NFU1: variants seen among roughly 807,000 people sequenced by gnomAD.
The protein encoded by NFU1 is NFU1 iron-sulfur cluster scaffold homolog, mitochondrial.
A neutral mutation model predicts 32.2 loss-of-function variants in NFU1; 30 were observed. The observed-to-expected ratio is 0.93, with a 90% CI of 0.70 to 1.26. The LOEUF (loss-of-function observed/expected upper bound fraction) is 1.26, where lower values mean the gene tolerates loss of function less well. Among genes scored for constraint, NFU1 ranks in the 50% most tolerant of loss-of-function variants. The pLI, the probability that NFU1 is intolerant of heterozygous loss-of-function variation, is 0.00. For missense variants in NFU1, 306 were observed against 306.6 expected, an observed-to-expected ratio of 1.00 and a Z score of 0.02; for synonymous variants, 112 against 104.6, an observed-to-expected ratio of 1.07 and a Z score of -0.43.
At chr2:69,424,198 A>AATATATATATATATATAT (rs1177261342) in intron 2 of NFU1, among the ~76,000 whole-genome samples, 24 of 74,522 alleles carry the variant, frequency 3.2e-4, no homozygotes, top group Admixed American at 8.6e-4. Context: ...AAAAAAAAAA[A>AATATATATATATATATAT]ATATATATAT....
chr2:69,399,056 CAA>C (rs947868323), intron 7 of NFU1, among the ~76,000 whole-genome samples: 1 of 151,400 alleles, frequency 6.6e-6, no homozygotes, highest in African/African-American at 2.4e-5. Context: ...TACTAAAATA[CAA>C]AATACAAAAA....
rs538552015 is a variant in NFU1 at position 69,436,024 on chromosome 2, G to A, written c.62+1337C>T. ...CTCTCAAAGTGCTGGGATTACAGGCGTGAGCCACCACGCCCGGCACACCAC... is the reference window on the plus strand; with the variant it reads ...CTCTCAAAGTGCTGGGATTACAGGCATGAGCCACCACGCCCGGCACACCAC... On this transcript the variant is annotated intron_variant, in intron 1 of 7. Transcript: ENST00000410022. 2.6e-3 allele frequency among the ~76,000 whole-genome samples: 395 copies of A among 151,520 alleles called. 3 individuals carry two copies. The highest frequency in any genetic ancestry group is 9.0e-3 in the African/African-American group (373 of 41,222).
intron 1 of NFU1, among the ~76,000 whole-genome samples, chr2:69,433,051 G>A (rs1465948269): frequency 2.1e-5 from 3 of 140,304 alleles, no homozygotes; most frequent in African/African-American, 5.5e-5. Flanking sequence ...TCGGGAGGCT[G>A]AGGCAGAGGA....
At chr2:69,428,836 T>C (rs935967535) in intron 2 of NFU1, among the ~76,000 whole-genome samples, 1 of 152,224 alleles carries the variant, frequency 6.6e-6, no homozygotes, top group Non-Finnish European at 1.5e-5. Flanking sequence ...GGTACAAAAA[T>C]GCTTTTCTTA....
intron 5 of NFU1, among the ~76,000 whole-genome samples, chr2:69,413,721 T>C (rs535384072): frequency 2.0e-5 from 3 of 152,244 alleles, no homozygotes; most frequent in Non-Finnish European, 2.9e-5. Context: ...ATCATGCCAC[T>C]GCACTCCAGC....
chr2:69,400,957 A>T (rs12464941), intron 6 of NFU1, among the ~76,000 whole-genome samples: 19,771 of 151,910 alleles, frequency 0.13, 1,427 homozygotes, highest in Non-Finnish European at 0.16. Context: ...CTCTAAAGAA[A>T]TTTTTTTTAA....
At chr2:69,401,866 C>A (rs1050353789) in intron 6 of NFU1, among the ~76,000 whole-genome samples, 8 of 150,360 alleles carry the variant, frequency 5.3e-5, no homozygotes, top group Non-Finnish European at 1.2e-4. Flanking sequence ...AGCATTTTTT[C>A]ATGTTTAGTG....
intron 6 of NFU1, 74 bp from the exon 7 acceptor site, chr2:69,400,612 A>G: frequency 2.3e-6 from 3 of 1,309,988 alleles, no homozygotes; most frequent in Non-Finnish European, 3.3e-6. Flanking sequence ...AATACAGCTC[A>G]GAGCTTAAAT....
At chr2:69,437,224 T>G in intron 1 of NFU1, 137 bp downstream of exon 1, 1 of 1,471,756 alleles carries the variant, frequency 6.8e-7, no homozygotes, top group Non-Finnish European at 9.0e-7. Context: ...CACCCCCAAC[T>G]ACGGCGACAG....
intron 4 of NFU1, among the ~76,000 whole-genome samples, chr2:69,415,955 C>T (rs966610407): frequency 4.6e-5 from 7 of 150,576 alleles, no homozygotes; most frequent in East Asian, 3.9e-4. Context: ...AGCGAGACTT[C>T]GTCTCTTTTT....
upstream of NFU1, among the ~76,000 whole-genome samples, chr2:69,439,410 G>C (rs952787286): frequency 2.6e-5 from 4 of 152,192 alleles, no homozygotes; most frequent in Non-Finnish European, 4.4e-5. Flanking sequence ...TGGGTTCGTG[G>C]TCTCACTGAC....
In NFU1 at chr2:69,437,375, G is replaced by C. The variant is rs370197557; in HGVS notation, c.48C>G (p.Ala16=). Residue 16 remains alanine (A), a synonymous_variant, in exon 1 of 8, where the codon GCC becomes GCG. Coordinates refer to ENST00000410022, the MANE Select transcript of NFU1 (RefSeq NM_001002755.4). ...TCGTCACCTACCGCCTGCGCAGCCC[G>C]GCGGCAACAGCCGCAGCTCCCCAGC... is the stretch of plus-strand genomic sequence containing the variant. ...RRGWGAAAVA[A]GLRRRFCHML... is the part of the protein sequence containing the mutation. 4.4e-6 allele frequency: 7 copies of C among 1,608,348 alleles called. No individual in the cohort carries two copies. In the South Asian group the frequency reaches 4.4e-5, roughly 10 times the overall value.
In NFU1 at chr2:69,423,584, A is replaced by G. The variant is rs201828730; in HGVS notation, c.300T>C (p.Ala100=). The change falls in exon 3 of 8, where the codon GCT becomes GCC. Residue 100 remains alanine (A), a splice_region_variant and synonymous_variant. Coordinates refer to ENST00000410022, the MANE Select transcript of NFU1 (RefSeq NM_001002755.4). The part of the protein sequence containing the change: ...TPAAAFRSPL[A]RQLFRIEGVK... ...AGCAAATGAAAACAGTAATATACCTAGCCAGAGGGGAGCGAAATGCTGCAG... is the reference window on the plus strand; with the variant it reads ...AGCAAATGAAAACAGTAATATACCTGGCCAGAGGGGAGCGAAATGCTGCAG... The G allele has an allele frequency of 1.1e-5, 18 of 1,613,488 alleles. No individual in the cohort carries two copies. The East Asian group carries it at 3.6e-4, about 32-fold the overall frequency.
intron 3 of NFU1, among the ~76,000 whole-genome samples, chr2:69,423,245 T>TGTGTGTGTGA (rs1266227739): frequency 1.1e-4 from 1 of 9,182 alleles, no homozygotes; most frequent in Non-Finnish European, 1.8e-4. Context: ...TCTGTGTGAG[T>TGTGTGTGTGA]GTGTGTGTGT....
chr2:69,396,388 A>C (rs1274565443), intron 7 of NFU1, 98 bp from the exon 8 acceptor site: 1 of 796,038 alleles, frequency 1.3e-6, no homozygotes, highest in Admixed American at 2.2e-5. Context: ...GATACACTCT[A>C]TAATGAGGCA....
At chr2:69,406,488 T>C (rs1193883557) in intron 5 of NFU1, among the ~76,000 whole-genome samples, 1 of 152,164 alleles carries the variant, frequency 6.6e-6, no homozygotes, top group Non-Finnish European at 1.5e-5. Context: ...TTAAGTTACA[T>C]CTTCAGTTTC....
chr2:69,433,208 A>G (rs982792294), intron 1 of NFU1, among the ~76,000 whole-genome samples: 1 of 149,450 alleles, frequency 6.7e-6, no homozygotes, highest in Non-Finnish European at 1.5e-5. Context: ...ATGGAGTCTC[A>G]CTGTTGTTGG....
chr2:69,398,774 T>C (rs1672418708), intron 7 of NFU1, among the ~76,000 whole-genome samples: 1 of 152,220 alleles, frequency 6.6e-6, no homozygotes. Context: ...TCTGACCAAC[T>C]GGATTTGCCA....
rs72833911 is a variant in NFU1 at position 69,412,351 on chromosome 2, T to C, written c.484+2834A>G. ...GGTGTGAGCCACTGTGCCAGGCCTC[T>C]ACAAAAAAATTTTATTTATTTATTT... On this transcript the variant is annotated intron_variant, in intron 5 of 7. Transcript: ENST00000410022. Among the ~76,000 whole-genome samples, 499 of 151,704 alleles carry C rather than the reference T, an allele frequency of 3.3e-3. 2 individuals are homozygous for C. The highest frequency in any genetic ancestry group is 6.2e-3 in the Non-Finnish European group (422 of 67,906).
Sources: allele counts gnomAD v4.1 joint callset (sites outside exome capture counted in the v4.1 genomes callset), GRCh38; gene constraint gnomAD v4.1.1; transcripts MANE v1.5; gene names NCBI Gene and HGNC (gene_info 2026-07-23, HGNC 2026-07-21).